Variants in PKNOX2 observed in about 807,000 individuals in gnomAD.
PKNOX2 encodes PBX/knotted 1 homeobox 2.
Under a neutral mutation model 53.1 loss-of-function variants are expected in PKNOX2, and 14 were observed. The observed-to-expected ratio is 0.26, with a 90% CI of 0.17 to 0.41. The LOEUF is 0.41. Among genes scored for constraint, PKNOX2 ranks in the 10% least tolerant of loss-of-function variants. The pLI is 1.00. For synonymous variants in PKNOX2, 257 were observed against 242.8 expected (o/e 1.06, Z -0.54); for missense variants, 496 against 602.8 (o/e 0.82, Z 1.85).
intron 2 of PKNOX2, among the ~76,000 whole-genome samples, chr11:125,272,667 G>A (rs145852642): frequency 5.3e-5 from 8 of 152,302 alleles, no homozygotes; most frequent in African/African-American, 1.4e-4. Context: ...GTCGCGTAAA[G>A]AGGGCACAGG....
intron 2 of PKNOX2, among the ~76,000 whole-genome samples, chr11:125,268,185 C>T (rs1161032927): frequency 1.3e-5 from 2 of 152,218 alleles, no homozygotes; most frequent in African/African-American, 4.8e-5. Flanking sequence ...CGGAAAACGT[C>T]GGCCCCCAAC....
intron 2 of PKNOX2, among the ~76,000 whole-genome samples, chr11:125,329,410 A>T (rs1166441727): frequency 1.3e-5 from 2 of 152,266 alleles, no homozygotes; most frequent in Non-Finnish European, 2.9e-5. Flanking sequence ...TCATCATATT[A>T]AAATACCTAC....
chr11:125,416,330 A>T (rs1955884388), intron 10 of PKNOX2, among the ~76,000 whole-genome samples: 2 of 147,646 alleles, frequency 1.4e-5, no homozygotes, highest in African/African-American at 5.2e-5. Context: ...AAAAAAAAGA[A>T]AGTGGAATTA....
intron 6 of PKNOX2, among the ~76,000 whole-genome samples, chr11:125,397,653 C>T (rs1177494453): frequency 6.6e-6 from 1 of 152,138 alleles, no homozygotes; most frequent in East Asian, 1.9e-4. Flanking sequence ...GGGCTCAGAG[C>T]AAAGGAATAA....
chr11:125,246,095 G>C (rs1273472767), intron 2 of PKNOX2, among the ~76,000 whole-genome samples: 1 of 152,194 alleles, frequency 6.6e-6, no homozygotes, highest in Non-Finnish European at 1.5e-5. Flanking sequence ...TAGCCAGGAG[G>C]TGTCTTCATC....
At chr11:125,398,642 G>C (rs1954557144) in intron 7 of PKNOX2, among the ~76,000 whole-genome samples, 1 of 152,208 alleles carries the variant, frequency 6.6e-6, no homozygotes, top group South Asian at 2.1e-4. Context: ...AGGTTCCCCT[G>C]CCACCTCCTT....
At chr11:125,220,484 G>A (rs1246992039) in intron 1 of PKNOX2, among the ~76,000 whole-genome samples, 1 of 152,284 alleles carries the variant, frequency 6.6e-6, no homozygotes, top group East Asian at 1.9e-4. Context: ...GATTGAGGGA[G>A]AAGGCAGAGG....
In PKNOX2 at chr11:125,392,689, A is replaced by G. The variant is rs191960253; in HGVS notation, c.400-5185A>G. Reference sequence around the variant, plus strand: ...TTCTGATTTTATAAAGTAAGTATAAATTGGTTATATATTTAAAATAAATGA... The same window carrying G: ...TTCTGATTTTATAAAGTAAGTATAAGTTGGTTATATATTTAAAATAAATGA... On this transcript the variant is annotated intron_variant, in intron 6 of 12. Transcript: ENST00000298282. Among the ~76,000 whole-genome samples the G allele has an allele frequency of 4.2e-3, 637 of 152,288 alleles. 1 individual carries two copies. Among genetic ancestry groups the G allele is most frequent in the Non-Finnish European group, 7.3e-3 (498 of 68,026 alleles).
chr11:125,429,984 C>T lies in PKNOX2; in HGVS notation c.1035C>T (p.Arg345=), dbSNP rs766774453. 1.6e-5 allele frequency: 26 copies of T among 1,614,000 alleles called. No homozygotes were observed. The highest frequency in any genetic ancestry group is 2.0e-5 in the Non-Finnish European group (24 of 1,179,990). ...VNNWFINARR[R]ILQPMLDASN... is the part of the protein sequence containing the mutation. Reference sequence around the variant, plus strand: ...GCAGGTTCATCAATGCCCGGAGGCGCATCCTGCAGCCCATGCTTGATGCCA... The same window carrying T: ...GCAGGTTCATCAATGCCCGGAGGCGTATCCTGCAGCCCATGCTTGATGCCA... The change falls in exon 12 of 13, where the codon CGC becomes CGT. Residue 345 remains arginine, a synonymous_variant. Coordinates refer to ENST00000298282, the MANE Select transcript of PKNOX2 (RefSeq NM_001382323.2).
At chr11:125,292,652 G>T (rs957856933) in intron 2 of PKNOX2, among the ~76,000 whole-genome samples, 2 of 152,218 alleles carry the variant, frequency 1.3e-5, no homozygotes, top group African/African-American at 4.8e-5. Context: ...GTCTAGCCAT[G>T]TGTGGGAAGG....
chr11:125,234,930 G>GC (rs1942540743), intron 1 of PKNOX2, 115 bp from the exon 2 acceptor site: 1 of 152,682 alleles, frequency 6.5e-6, no homozygotes, highest in Non-Finnish European at 1.5e-5. Flanking sequence ...ATGGCTGCCA[G>GC]CCCTGGCCTT....
At chr11:125,360,124 C>G (rs1322543018) in intron 4 of PKNOX2, among the ~76,000 whole-genome samples, 1 of 125,000 alleles carries the variant, frequency 8.0e-6, no homozygotes, top group Non-Finnish European at 1.7e-5. Context: ...CCAGCCTGGG[C>G]AACAAGAGCG....
intron 10 of PKNOX2, among the ~76,000 whole-genome samples, chr11:125,428,778 G>A (rs1227332734): frequency 6.6e-6 from 1 of 152,208 alleles, no homozygotes; most frequent in Non-Finnish European, 1.5e-5. Flanking sequence ...CCCATTGTGG[G>A]GGCTTGGCTG....
intron 1 of PKNOX2, among the ~76,000 whole-genome samples, chr11:125,230,880 G>T (rs973188429): frequency 1.3e-5 from 2 of 152,160 alleles, no homozygotes; most frequent in African/African-American, 2.4e-5. Flanking sequence ...AGAAGCTAAG[G>T]TTAGGTAAAT....
chr11:125,333,098 C>T (rs1341259890), intron 3 of PKNOX2, among the ~76,000 whole-genome samples: 3 of 152,170 alleles, frequency 2.0e-5, no homozygotes, highest in African/African-American at 4.8e-5. Flanking sequence ...CATTTGGAGT[C>T]TGTGTAGCAG....
At chr11:125,315,303 G>GCAAAAAAAAAAAAAAAAAAAAAAAAAA (rs1949087067) in intron 2 of PKNOX2, among the ~76,000 whole-genome samples, 3 of 79,442 alleles carry the variant, frequency 3.8e-5, no homozygotes, top group African/African-American at 7.8e-5. Context: ...TGTGAAGCAG[G>GCAAAAAAAAAAAAAAAAAAAAAAAAAA]AAAAAAAAAA....
intron 3 of PKNOX2, among the ~76,000 whole-genome samples, chr11:125,341,593 G>C (rs919659619): frequency 6.6e-6 from 1 of 152,168 alleles, no homozygotes; most frequent in African/African-American, 2.4e-5. Context: ...CCATAACACA[G>C]AAACATGCAT....
In PKNOX2 at chr11:125,369,589, G is replaced by A. The variant is rs78952905; in HGVS notation, c.227+1604G>A. On this transcript the variant is annotated intron_variant, in intron 5 of 12. Transcript: ENST00000298282. ...AAGAAACCAGAGCTACGTGGTCAGA[G>A]CAACAGGGAAGGCTTCACAGAGGAG... 5.9e-5 allele frequency among the ~76,000 whole-genome samples: 9 copies of A among 152,334 alleles called. No homozygotes were observed. The East Asian group carries it at 1.4e-3, about 23-fold the overall frequency.
chr11:125,232,484 G>A (rs1942295312), intron 1 of PKNOX2, among the ~76,000 whole-genome samples: 2 of 152,172 alleles, frequency 1.3e-5, no homozygotes. Flanking sequence ...AGGCACAGGG[G>A]CATTAAGTAA....
Sources: allele counts gnomAD v4.1 joint callset (sites outside exome capture counted in the v4.1 genomes callset), GRCh38; gene constraint gnomAD v4.1.1; transcripts MANE v1.5; gene names NCBI Gene and HGNC (gene_info 2026-07-23, HGNC 2026-07-21).